Variants in RAB3C observed in about 807,000 individuals in gnomAD.
RAB3C encodes the protein ras-related protein Rab-3C.
A neutral mutation model predicts 26.4 loss-of-function variants in RAB3C; 17 were observed. The observed-to-expected ratio is 0.64, with a 90% CI of 0.44 to 0.97. RAB3C has a LOEUF of 0.97. RAB3C is among the 50% of genes least tolerant of loss of function. The pLI is 0.00. For synonymous variants in RAB3C, 91 were observed against 95.9 expected, an observed-to-expected ratio of 0.95 and a Z score of 0.30; for missense variants, 242 against 281.9, an observed-to-expected ratio of 0.86 and a Z score of 1.01.
intron 3 of RAB3C, among the ~76,000 whole-genome samples, chr5:58,787,952 T>A (rs1742430276): frequency 6.6e-6 from 1 of 152,200 alleles, no homozygotes; most frequent in South Asian, 2.1e-4. Context: ...TTTCTTTTTT[T>A]CAAGAATAGG....
chr5:58,834,997 T>C (rs185656745), intron 4 of RAB3C, among the ~76,000 whole-genome samples: 115 of 152,326 alleles, frequency 7.5e-4, no homozygotes, highest in African/African-American at 2.7e-3. Flanking sequence ...AGGACAGTCC[T>C]GTTTATGTTC....
chr5:58,660,494 A>G (rs1365867153), intron 2 of RAB3C, among the ~76,000 whole-genome samples: 3 of 150,264 alleles, frequency 2.0e-5, no homozygotes, highest in East Asian at 3.9e-4. Flanking sequence ...GGAGGGATAT[A>G]TCTCATATAT....
chr5:58,641,340 CAA>C lies in RAB3C; in HGVS notation c.252+23471_252+23472del, dbSNP rs575884877. Among the ~76,000 whole-genome samples, 431 of 152,286 alleles carry C rather than the reference CAA, an allele frequency of 2.8e-3. 1 individual carries two copies. Among genetic ancestry groups the C allele is most frequent in the African/African-American group, 9.6e-3 (398 of 41,558 alleles). ...TGTGGCCCACTTACGAAGGAGAAAACAAGAGAGTGCACAGAAGCCTGCCACCA... is the reference window on the plus strand; with the variant it reads ...TGTGGCCCACTTACGAAGGAGAAAACGAGAGTGCACAGAAGCCTGCCACCA... On this transcript the variant is annotated intron_variant, in intron 2 of 4. Transcript: ENST00000282878.
intron 2 of RAB3C, among the ~76,000 whole-genome samples, chr5:58,724,640 G>A (rs1740844311): frequency 6.6e-6 from 1 of 151,540 alleles, no homozygotes; most frequent in African/African-American, 2.4e-5. Flanking sequence ...GCTGCTTAAT[G>A]AAAGTAAACA....
At chr5:58,820,440 C>T (rs1450612723) in intron 3 of RAB3C, among the ~76,000 whole-genome samples, 1 of 152,202 alleles carries the variant, frequency 6.6e-6, no homozygotes, top group East Asian at 1.9e-4. Context: ...CCCTTCCCTG[C>T]TCTGCTGGTG....
chr5:58,588,962 G>A (rs112497611), intron 1 of RAB3C, among the ~76,000 whole-genome samples: 2,814 of 152,068 alleles, frequency 0.019, 41 homozygotes, highest in Non-Finnish European at 0.027. Flanking sequence ...TGATGACAGC[G>A]GACATCCTTA....
intron 2 of RAB3C, among the ~76,000 whole-genome samples, chr5:58,627,973 C>G (rs564135045): frequency 2.6e-5 from 4 of 151,826 alleles, no homozygotes; most frequent in Admixed American, 2.0e-4. Flanking sequence ...CTGGCTAACA[C>G]GGTGAAACCC....
chr5:58,610,262 T>C lies in RAB3C; in HGVS notation c.25-7381T>C, dbSNP rs186737879. ...TTTCTCTTGGGCAAATCCCTAGGAGTGGGATTGTTAGGTCATATGGTAAAT... is the reference window on the plus strand; with the variant it reads ...TTTCTCTTGGGCAAATCCCTAGGAGCGGGATTGTTAGGTCATATGGTAAAT... On this transcript the variant is annotated intron_variant, in intron 1 of 4. Coordinates refer to ENST00000282878, the MANE Select transcript of RAB3C (RefSeq NM_138453.4). 2.8e-3 allele frequency among the ~76,000 whole-genome samples: 403 copies of C among 146,314 alleles called. 1 individual carries two copies. Among genetic ancestry groups the C allele is most frequent in the African/African-American group, 9.5e-3 (378 of 39,802 alleles).
intron 4 of RAB3C, among the ~76,000 whole-genome samples, chr5:58,838,682 T>C (rs1486545508): frequency 2.0e-5 from 3 of 152,202 alleles, no homozygotes; most frequent in Non-Finnish European, 4.4e-5. Context: ...TTGTGTGAGA[T>C]GTTCTATCAA....
intron 2 of RAB3C, among the ~76,000 whole-genome samples, chr5:58,653,463 A>T (rs1215203876): frequency 6.6e-6 from 1 of 152,204 alleles, no homozygotes; most frequent in East Asian, 1.9e-4. Flanking sequence ...TACCCAAAGG[A>T]TTATAAATCA....
At chr5:58,760,319 G>C (rs767538787) in intron 3 of RAB3C, among the ~76,000 whole-genome samples, 6 of 152,162 alleles carry the variant, frequency 3.9e-5, no homozygotes, top group Non-Finnish European at 8.8e-5. Context: ...TGGAATGTGA[G>C]AATATGAGTT....
intron 2 of RAB3C, among the ~76,000 whole-genome samples, chr5:58,666,919 A>G (rs17280874): frequency 0.12 from 17,795 of 152,262 alleles, 1,089 homozygotes; most frequent in Middle Eastern, 0.21. Flanking sequence ...AGAGCCAAAA[A>G]TTTCTTTTAT....
intron 1 of RAB3C, among the ~76,000 whole-genome samples, chr5:58,608,679 C>T (rs1290637215): frequency 1.3e-5 from 2 of 152,160 alleles, no homozygotes; most frequent in African/African-American, 4.8e-5. Flanking sequence ...TCAGAGATCC[C>T]ATTACTGGGT....
intron 2 of RAB3C, among the ~76,000 whole-genome samples, chr5:58,688,036 G>A (rs982673970): frequency 6.6e-6 from 1 of 152,026 alleles, no homozygotes; most frequent in Admixed American, 6.6e-5. Context: ...TCTGGTAAAT[G>A]CTTTAGAGAG....
At chr5:58,728,211 A>C (rs766884501) in intron 3 of RAB3C, among the ~76,000 whole-genome samples, 1 of 152,046 alleles carries the variant, frequency 6.6e-6, no homozygotes, top group Non-Finnish European at 1.5e-5. Context: ...TTGAGCACCT[A>C]ACTTTGACAG....
intron 2 of RAB3C, among the ~76,000 whole-genome samples, chr5:58,715,399 G>A (rs996923463): frequency 2.6e-5 from 4 of 151,802 alleles, no homozygotes; most frequent in Non-Finnish European, 5.9e-5. Flanking sequence ...CTAAGCTTAA[G>A]GAAAGATAAT....
intron 2 of RAB3C, among the ~76,000 whole-genome samples, chr5:58,678,524 G>A (rs919006071): frequency 6.6e-6 from 1 of 151,986 alleles, no homozygotes; most frequent in Non-Finnish European, 1.5e-5. Context: ...TATATCAAGA[G>A]TTTATCTCTC....
intron 3 of RAB3C, among the ~76,000 whole-genome samples, chr5:58,810,943 C>T (rs1203275219): frequency 6.6e-6 from 1 of 152,158 alleles, no homozygotes; most frequent in Non-Finnish European, 1.5e-5. Context: ...TTGCTCCCAC[C>T]AAAACGGCAC....
chr5:58,630,294 G>C (rs1036944447), intron 2 of RAB3C, among the ~76,000 whole-genome samples: 1 of 152,116 alleles, frequency 6.6e-6, no homozygotes, highest in African/African-American at 2.4e-5. Flanking sequence ...CTCTTTTGGT[G>C]TTCTCATATT....
Sources: gnomAD v4.1 joint callset for allele counts (sites outside exome capture counted in the v4.1 genomes callset) on GRCh38, gnomAD v4.1.1 for gene constraint, MANE v1.5 for transcripts, NCBI Gene and HGNC (gene_info 2026-07-23, HGNC 2026-07-21) for gene names.